Variants in NAV2 observed in about 807,000 individuals in gnomAD.
NAV2 encodes helicase, APC down-regulated 1.
A neutral mutation model predicts 223.2 loss-of-function variants in NAV2; 54 were observed. That is an observed-to-expected ratio of 0.24 (90% CI 0.19 to 0.30). NAV2 has a LOEUF of 0.30. Among genes scored for constraint, NAV2 ranks in the 10% least tolerant of loss-of-function variants. The pLI is 1.00. For missense variants in NAV2, 2,806 were observed against 3,147.5 expected (o/e 0.89, Z 2.60); for synonymous variants, 1,279 against 1,239.3 (o/e 1.03, Z -0.67).
intron 1 of NAV2, among the ~76,000 whole-genome samples, chr11:19,574,501 G>A (rs2045516357): frequency 6.6e-6 from 1 of 152,126 alleles, no homozygotes; most frequent in African/African-American, 2.4e-5. Context: ...GGTTTTCCGT[G>A]GGCTCATGGG....
chr11:19,361,421 C>T (rs1297910297), intron 1 of NAV2, among the ~76,000 whole-genome samples: 1 of 152,054 alleles, frequency 6.6e-6, no homozygotes, highest in Non-Finnish European at 1.5e-5. Context: ...TATCAGTTTG[C>T]TCCTGGACTG....
At chr11:19,401,922 C>T (rs1282190336) in intron 1 of NAV2, 4 of 152,190 alleles carry the variant, frequency 2.6e-5, no homozygotes, top group African/African-American at 9.7e-5. Context: ...CAGGCCCGAC[C>T]CTGCTTAGCT....
intron 11 of NAV2, among the ~76,000 whole-genome samples, chr11:20,025,975 T>A (rs1252339809): frequency 6.6e-6 from 1 of 152,310 alleles, no homozygotes; most frequent in South Asian, 2.1e-4. Flanking sequence ...CCTGATTTGG[T>A]CCCACCAAAA....
intron 1 of NAV2, among the ~76,000 whole-genome samples, chr11:19,439,614 A>T (rs576568440): frequency 1.3e-5 from 2 of 152,378 alleles, no homozygotes; most frequent in Admixed American, 1.3e-4. Flanking sequence ...TAGGCCCAAC[A>T]TGATACCTGT....
chr11:19,573,641 T>C (rs541212489), intron 1 of NAV2, among the ~76,000 whole-genome samples: 34 of 152,182 alleles, frequency 2.2e-4, no homozygotes, highest in Non-Finnish European at 2.8e-4. Context: ...AAGCTAGGTC[T>C]TAGAGAGATT....
At chr11:19,607,641 G>GTC (rs1470431056) in intron 1 of NAV2, among the ~76,000 whole-genome samples, 1 of 152,190 alleles carries the variant, frequency 6.6e-6, no homozygotes, top group East Asian at 1.9e-4. Context: ...TTCCTTGTCA[G>GTC]TCTTGGAGTC....
At chr11:19,613,653 T>A (rs767440396) in intron 1 of NAV2, among the ~76,000 whole-genome samples, 35 of 152,208 alleles carry the variant, frequency 2.3e-4, no homozygotes, top group Non-Finnish European at 3.7e-4. Flanking sequence ...TCTCCCAACC[T>A]AGGTTTCACT....
chr11:19,401,222 A>C (rs1284491111), intron 1 of NAV2, among the ~76,000 whole-genome samples: 1 of 152,232 alleles, frequency 6.6e-6, no homozygotes, highest in Non-Finnish European at 1.5e-5. Context: ...AGATACTTAT[A>C]ATATTAAGTG....
chr11:19,638,566 CTTA>C, intron 1 of NAV2, among the ~76,000 whole-genome samples: 1 of 152,262 alleles, frequency 6.6e-6, no homozygotes, highest in Non-Finnish European at 1.5e-5. Context: ...TATGCAAGGT[CTTA>C]TATGCATTAA....
chr11:20,064,296 C>G (rs563284277), intron 20 of NAV2, among the ~76,000 whole-genome samples: 1 of 152,158 alleles, frequency 6.6e-6, no homozygotes, highest in Non-Finnish European at 1.5e-5. Flanking sequence ...AGGCTCTGGA[C>G]TAACCCCTAG....
Position 20,045,355 on chromosome 11 carries a change from C to T in NAV2, c.3587C>T (p.Pro1196Leu). ...CTTCAGTACCGGAGTTTGCCGAGGC[C>T]CAGTAAGTCCAACAGCCGGAACGGG... ...TNLQYRSLPRPSKSNSRNGAG... is the reference protein window; with the variant it reads ...TNLQYRSLPRLSKSNSRNGAG... The change falls in exon 14 of 38, where the codon CCC becomes CTC. Residue 1196 changes from proline to leucine, a missense_variant. Around this residue, in one of 4 missense-constraint regions of NAV2, gnomAD observed 742 missense variants for 777.9 expected, o/e 0.95. Coordinates refer to ENST00000349880, the MANE Select transcript of NAV2 (RefSeq NM_145117.5). 1 of 1,614,116 alleles carries T rather than the reference C, an allele frequency of 6.2e-7. No individual in the cohort carries two copies. Among genetic ancestry groups the T allele is most frequent in the South Asian group, 1.1e-5 (1 of 91,080 alleles).
intron 1 of NAV2, among the ~76,000 whole-genome samples, chr11:19,539,723 T>TG (rs1225956977): frequency 6.6e-6 from 1 of 152,210 alleles, no homozygotes; most frequent in Non-Finnish European, 1.5e-5. Flanking sequence ...TCGAATGTCA[T>TG]GGACATTTTG....
chr11:19,588,533 T>C (rs1313931498), intron 1 of NAV2, among the ~76,000 whole-genome samples: 1 of 152,318 alleles, frequency 6.6e-6, no homozygotes, highest in East Asian at 1.9e-4. Context: ...AACAAAGTCC[T>C]GTGTAACCTG....
chr11:19,484,196 G>A (rs1212689259), intron 1 of NAV2, among the ~76,000 whole-genome samples: 1 of 151,380 alleles, frequency 6.6e-6, no homozygotes, highest in Non-Finnish European at 1.5e-5. Flanking sequence ...CCTAAGGAAT[G>A]AGTATGTTAA....
intron 1 of NAV2, among the ~76,000 whole-genome samples, chr11:19,588,427 C>A (rs181122910): frequency 6.6e-6 from 1 of 152,310 alleles, no homozygotes; most frequent in East Asian, 1.9e-4. Context: ...GTGAGCCAAC[C>A]CACTTGACAG....
Position 20,045,566 on chromosome 11 carries a change from C to T in NAV2, c.3798C>T (p.Asn1266=). 6.2e-7 allele frequency: 1 copy of T among 1,614,178 alleles called. No individual in the cohort carries two copies. Among genetic ancestry groups the T allele is most frequent in the Non-Finnish European group, 8.5e-7 (1 of 1,180,038 alleles). Residue 1266 remains asparagine, a synonymous_variant, in exon 14 of 38, where the codon AAC becomes AAT. Coordinates refer to ENST00000349880, the MANE Select transcript of NAV2 (RefSeq NM_145117.5). ...ACAACGAGAGTGTGGCTTCCTGTAA[C>T]TCGGTGAAAGTGAATCCGGCAGCCC... ...SSDNESVASC[N]SVKVNPAAQP...
intron 1 of NAV2, among the ~76,000 whole-genome samples, chr11:19,687,244 T>C (rs2049049068): frequency 6.6e-6 from 1 of 152,200 alleles, no homozygotes; most frequent in African/African-American, 2.4e-5. Context: ...CTGGGAGCCA[T>C]ACAGCAGCTC....
chr11:19,433,673 T>G (rs150275295), intron 1 of NAV2, among the ~76,000 whole-genome samples: 70 of 152,350 alleles, frequency 4.6e-4, no homozygotes, highest in African/African-American at 1.7e-3. Flanking sequence ...TTGAAGAATG[T>G]TAGCTCCATG....
chr11:19,378,973 C>T (rs1293148438), intron 1 of NAV2, among the ~76,000 whole-genome samples: 4 of 152,198 alleles, frequency 2.6e-5, no homozygotes, highest in Admixed American at 1.3e-4. Context: ...GCCCTGGCTT[C>T]GTCCCTCACT....
Sources: allele counts gnomAD v4.1 joint callset (sites outside exome capture counted in the v4.1 genomes callset), GRCh38; gene constraint gnomAD v4.1.1; regional missense constraint gnomAD v4.1.1; transcripts MANE v1.5; gene names NCBI Gene and HGNC (gene_info 2026-07-23, HGNC 2026-07-21).